USP40: variants seen among roughly 807,000 people sequenced by gnomAD.
USP40 encodes the protein ubiquitin carboxyl-terminal hydrolase 40.
USP40 carries 143 observed loss-of-function variants against 166.2 expected under a neutral mutation model. That is an observed-to-expected ratio of 0.86 (90% CI 0.75 to 0.99). USP40 has a LOEUF of 0.99. Among genes scored for constraint, USP40 ranks in the 50% least tolerant of loss-of-function variants. The pLI is 0.00. For missense variants in USP40, 1,444 were observed against 1,479.7 expected (o/e 0.98, Z 0.40); for synonymous variants, 498 against 524.0 (o/e 0.95, Z 0.68).
At chr2:233,538,129 G>A (rs2069075103) in intron 10 of USP40, among the ~76,000 whole-genome samples, 1 of 151,920 alleles carries the variant, frequency 6.6e-6, no homozygotes. Context: ...GTAATCGCTA[G>A]ATGAAATTAA....
chr2:233,491,547 A>C (rs2065339105), intron 25 of USP40, among the ~76,000 whole-genome samples: 1 of 151,926 alleles, frequency 6.6e-6, no homozygotes, highest in Non-Finnish European at 1.5e-5. Flanking sequence ...TGCTGGCTGC[A>C]TTCTGTATGT....
At chr2:233,483,016 T>G (rs1013593125) in intron 30 of USP40, among the ~76,000 whole-genome samples, 9 of 152,242 alleles carry the variant, frequency 5.9e-5, no homozygotes, top group African/African-American at 1.7e-4. Context: ...GATAACAGAT[T>G]TGCAGAAGAT....
chr2:233,490,517 G>A (rs1363343219), intron 26 of USP40, among the ~76,000 whole-genome samples: 1 of 152,016 alleles, frequency 6.6e-6, no homozygotes, highest in Admixed American at 6.5e-5. Context: ...TACTGAGGGC[G>A]CACAAAAGCC....
chr2:233,489,585 A>T (rs1462114730), intron 26 of USP40, 102 bp from the exon 27 acceptor site: 6 of 879,970 alleles, frequency 6.8e-6, no homozygotes, highest in Non-Finnish European at 1.0e-5. Flanking sequence ...TGGCATCTCA[A>T]GGAAAGAGTA....
chr2:233,509,872 G>C lies in USP40; in HGVS notation c.2613+177C>G, dbSNP rs116468133. Among the ~76,000 whole-genome samples the C allele has an allele frequency of 4.0e-3, 587 of 148,320 alleles. 5 individuals carry two copies. The highest frequency in any genetic ancestry group is 0.014 in the African/African-American group (560 of 40,044). On this transcript the variant is annotated intron_variant, in intron 21 of 31. Coordinates refer to ENST00000678225, the MANE Select transcript of USP40 (RefSeq NM_001365479.2). ...AAAAAAAAAAAAAAAAATCCAGTTG[G>C]TTCACCAATTTTCAAGCTCCCAAAA...
At chr2:233,495,311 T>C (rs2065682327) in intron 24 of USP40, among the ~76,000 whole-genome samples, 1 of 152,028 alleles carries the variant, frequency 6.6e-6, no homozygotes, top group South Asian at 2.1e-4. Flanking sequence ...TTGAACTATG[T>C]ATTTAAAATA....
intron 8 of USP40, chr2:233,546,876 C>T (rs150092585): frequency 1.6e-4 from 24 of 152,256 alleles, no homozygotes; most frequent in African/African-American, 5.1e-4. Flanking sequence ...TATAACAACA[C>T]GATAAGGATT....
At chr2:233,538,512 A>G (rs2069108961) in intron 10 of USP40, among the ~76,000 whole-genome samples, 1 of 152,234 alleles carries the variant, frequency 6.6e-6, no homozygotes, top group South Asian at 2.1e-4. Flanking sequence ...CATATTCTAC[A>G]GTCACTAAAC....
chr2:233,510,821 GATTTT>G (rs2066777464), intron 20 of USP40, among the ~76,000 whole-genome samples: 1 of 152,110 alleles, frequency 6.6e-6, no homozygotes, highest in African/African-American at 2.4e-5. Flanking sequence ...ACTTGGTTAT[GATTTT>G]ATTTTCTGCC....
At chr2:233,527,096 C>T (rs893829572) in intron 13 of USP40, among the ~76,000 whole-genome samples, 1 of 152,174 alleles carries the variant, frequency 6.6e-6, no homozygotes, top group African/African-American at 2.4e-5. Context: ...TATCTTTTCA[C>T]TCTCTTTGAA....
rs757152404 is a variant in USP40 at position 233,527,471 on chromosome 2, C to T, written c.1661G>A (p.Ser554Asn). 2 of 1,613,796 alleles carry T rather than the reference C, an allele frequency of 1.2e-6. No individual in the cohort carries two copies. ...ALHPVVSQTE[S>N]VWDLTFDKRK... is the part of the protein sequence containing the mutation. Reference sequence around the variant, plus strand: ...TTTATCAAAGGTCAAATCCCACACGCTTTCTGTTTGAGAGACTACTGGGTG... The same window carrying T: ...TTTATCAAAGGTCAAATCCCACACGTTTTCTGTTTGAGAGACTACTGGGTG... The change falls in exon 13 of 32, where the codon AGC becomes AAC. Residue 554 changes from serine (S) to asparagine (N), a missense_variant. Coordinates refer to ENST00000678225, the MANE Select transcript of USP40 (RefSeq NM_001365479.2).
At chr2:233,565,259 T>C in intron 2 of USP40, 97 bp downstream of exon 2, 1 of 936,976 alleles carries the variant, frequency 1.1e-6, no homozygotes, top group South Asian at 1.7e-5. Flanking sequence ...GTAGAATATA[T>C]CTTTAAGATA....
intron 21 of USP40, among the ~76,000 whole-genome samples, chr2:233,501,752 A>G (rs1372477357): frequency 1.3e-5 from 2 of 152,208 alleles, no homozygotes; most frequent in Non-Finnish European, 2.9e-5. Context: ...TGAAAAAGAG[A>G]AAAATATGAG....
At position 233,565,401 on chromosome 2, in the gene USP40, G is replaced by A; in HGVS notation, c.154C>T (p.Leu52Phe). ...TGAAGAGTCTGAAGAAGGGAATTGAGGTAACAGGTTCCACCCTGATTTCTG... is the reference window on the plus strand; with the variant it reads ...TGAAGAGTCTGAAGAAGGGAATTGAAGTAACAGGTTCCACCCTGATTTCTG... ...GIRNQGGTCY[L>F]NSLLQTLHFT... is the part of the protein sequence containing the mutation. Residue 52 changes from leucine (L) to phenylalanine (F), a missense_variant, in exon 2 of 32, where the codon CTC becomes TTC. Coordinates refer to ENST00000678225, the MANE Select transcript of USP40 (RefSeq NM_001365479.2). 6.5e-7 allele frequency: 1 copy of A among 1,537,228 alleles called. No individual in the cohort carries two copies. Among genetic ancestry groups the A allele is most frequent in the Non-Finnish European group, 8.7e-7 (1 of 1,146,844 alleles).
At chr2:233,494,922 A>ATATATATATATT (rs2065591458) in intron 24 of USP40, among the ~76,000 whole-genome samples, 1 of 25,536 alleles carries the variant, frequency 3.9e-5, no homozygotes, top group Non-Finnish European at 7.2e-5. Flanking sequence ...TGGCATATAT[A>ATATATATATATT]TATATATATA....
At chr2:233,491,367 A>G in intron 25 of USP40, 106 bp from the exon 26 acceptor site, 1 of 848,212 alleles carries the variant, frequency 1.2e-6, no homozygotes, top group Non-Finnish European at 1.9e-6. Flanking sequence ...TTAAAATTCC[A>G]CTCAAGAGCC....
intron 26 of USP40, among the ~76,000 whole-genome samples, chr2:233,490,216 T>C (rs1365756521): frequency 6.9e-6 from 1 of 145,142 alleles, no homozygotes; most frequent in African/African-American, 2.6e-5. Flanking sequence ...CAGCCTGAAG[T>C]GCAGTGGCGC....
At chr2:233,483,993 T>C (rs1287738696) in intron 30 of USP40, among the ~76,000 whole-genome samples, 1 of 152,208 alleles carries the variant, frequency 6.6e-6, no homozygotes, top group Non-Finnish European at 1.5e-5. Flanking sequence ...CTTTCCACCC[T>C]GTCCATGAGC....
At chr2:233,566,343 G>A (rs1241963346) in intron 1 of USP40, among the ~76,000 whole-genome samples, 2 of 152,156 alleles carry the variant, frequency 1.3e-5, no homozygotes, top group African/African-American at 4.8e-5. Flanking sequence ...CCTAGCATAG[G>A]TACCAAATGA....
Sources: allele counts gnomAD v4.1 joint callset (sites outside exome capture counted in the v4.1 genomes callset), GRCh38; gene constraint gnomAD v4.1.1; transcripts MANE v1.5; gene names NCBI Gene and HGNC (gene_info 2026-07-23, HGNC 2026-07-21).